Variants in DLAT observed in about 807,000 individuals in gnomAD.
DLAT encodes the protein dihydrolipoyllysine-residue acetyltransferase component of pyruvate dehydrogenase complex, mitochondrial.
DLAT carries 43 observed loss-of-function variants against 68.0 expected under a neutral mutation model. That is an observed-to-expected ratio of 0.63 (90% CI 0.50 to 0.81). DLAT has a LOEUF of 0.81. Ranked by LOEUF, DLAT falls within the 40% of genes least tolerant of loss-of-function variation. The probability of loss-of-function intolerance (pLI) is 0.00; values close to 1 mark genes in which losing one functional copy is unlikely to be tolerated. For missense variants in DLAT, 745 were observed against 815.4 expected, an observed-to-expected ratio of 0.91 and a Z score of 1.05; for synonymous variants, 265 against 288.6, an observed-to-expected ratio of 0.92 and a Z score of 0.83.
rs1311809853 is a variant in DLAT at position 112,036,167 on chromosome 11, A to ATGTGTG, written c.788-1076_788-1071dup. Among the ~76,000 whole-genome samples the ATGTGTG allele has an allele frequency of 9.0e-3, 744 of 82,538 alleles. 19 individuals are homozygous for ATGTGTG. Among genetic ancestry groups the ATGTGTG allele is most frequent in the African/African-American group, 0.027 (491 of 18,480 alleles). The allele number at this position is 82,538 out of a possible 152,430, so 54.1% of individuals were successfully genotyped here. On this transcript the variant is annotated intron_variant, in intron 5 of 13. Transcript: ENST00000280346. Reference sequence around the variant, plus strand: ...TATATATATATATGTGTGTGTATATATGTGTGTGTGTGTGTGTGTGTGTGT... The same window carrying ATGTGTG: ...TATATATATATATGTGTGTGTATATATGTGTGTGTGTGTGTGTGTGTGTGTGTGTGT...
chr11:112,061,244 C>T (rs1842911367), intron 13 of DLAT, 70 bp downstream of exon 13: 22 of 1,571,718 alleles, frequency 1.4e-5, no homozygotes, highest in Non-Finnish European at 1.8e-5. Context: ...CTGTGGTATC[C>T]TCAGGGGATT....
chr11:112,041,190 C>T lies in DLAT; in HGVS notation c.1129+1793C>T, dbSNP rs587748101. Among the ~76,000 whole-genome samples the T allele has an allele frequency of 2.1e-4, 32 of 152,258 alleles. No individual in the cohort carries two copies. In the South Asian group the frequency reaches 6.6e-3, roughly 32 times the overall value. On this transcript the variant is annotated intron_variant, in intron 7 of 13. Transcript: ENST00000280346. ...ATACTAGCTGTGTGACCTTTTGTGT[C>T]ACAATTTCTTTGTATATAAAAACAT...
chr11:112,049,706 T>C (rs1863511349), intron 10 of DLAT, among the ~76,000 whole-genome samples: 1 of 152,226 alleles, frequency 6.6e-6, no homozygotes, highest in Non-Finnish European at 1.5e-5. Flanking sequence ...ATCTTTTTTT[T>C]CATATACCTG....
chr11:112,025,582 G>T lies in DLAT; in HGVS notation c.110G>T (p.Arg37Leu). 6.2e-7 allele frequency: 1 copy of T among 1,613,966 alleles called. No individual in the cohort carries two copies. ...EVPGTPRVTSRSGPAPARRNS... is the reference protein window; with the variant it reads ...EVPGTPRVTSLSGPAPARRNS... ...CCCGGAACTCCACGAGTGACCTCGC[G>T]ATCTGGCCCGGCTCCCGCTCGTCGC... The change falls in exon 1 of 14, where the codon CGA (arginine) becomes CTA (leucine). Residue 37 changes from arginine to leucine, a missense_variant. Coordinates refer to ENST00000280346, the MANE Select transcript of DLAT (RefSeq NM_001931.5).
Position 112,045,973 on chromosome 11 carries a change from A to G in DLAT, c.1398+3A>G. On this transcript the variant is annotated splice_donor_region_variant and intron_variant, in intron 10 of 13. Transcript: ENST00000280346. ...TGGTACGGAAAGAACTTAATAAGGT[A>G]AAAGTTCTGAAAATTCCAACTTTCT... 1 of 1,530,044 alleles carries G rather than the reference A, an allele frequency of 6.5e-7. No homozygotes were observed. The highest frequency in any genetic ancestry group is 2.3e-5 in the East Asian group (1 of 44,290). The allele number at this position is 1,530,044 out of a possible 1,614,324, so 94.8% of individuals were successfully genotyped here. A position where few individuals can be genotyped will look rare whatever the true frequency, so the allele number is the denominator to read the frequency against.
intron 5 of DLAT, 101 bp from the exon 6 acceptor site, chr11:112,037,172 T>C: frequency 8.5e-7 from 1 of 1,172,186 alleles, no homozygotes. Context: ...GCTATATAGC[T>C]AGCTTGAATG....
chr11:112,025,791 TC>T, intron 1 of DLAT, 40 bp downstream of exon 1: 1 of 1,610,852 alleles, frequency 6.2e-7, no homozygotes, highest in Non-Finnish European at 8.5e-7. Flanking sequence ...CCGTTGTCCT[TC>T]AGAGCTGACT....
intron 11 of DLAT, among the ~76,000 whole-genome samples, chr11:112,052,838 T>A: frequency 6.6e-6 from 1 of 152,090 alleles, no homozygotes. Flanking sequence ...ACCCTTCCAG[T>A]GACTGGCGCC....
chr11:112,026,856 G>C (rs1227684126), intron 2 of DLAT, among the ~76,000 whole-genome samples: 1 of 152,046 alleles, frequency 6.6e-6, no homozygotes. Context: ...GGTGGTGGCC[G>C]GGCAGAGGGG....
intron 11 of DLAT, among the ~76,000 whole-genome samples, chr11:112,058,616 A>AGGG (rs587768977): frequency 4.6e-4 from 27 of 58,950 alleles, no homozygotes; most frequent in South Asian, 2.8e-3. Flanking sequence ...GGGTGGGGGA[A>AGGG]GGGGGGGGTG....
At chr11:112,040,231 G>C (rs1555180921) in intron 7 of DLAT, among the ~76,000 whole-genome samples, 1 of 152,108 alleles carries the variant, frequency 6.6e-6, no homozygotes, top group East Asian at 1.9e-4. Context: ...TATTTGGAAT[G>C]GGGGGAAGTT....
intron 4 of DLAT, among the ~76,000 whole-genome samples, chr11:112,032,749 G>GA (rs1168488207): frequency 6.6e-6 from 1 of 152,106 alleles, no homozygotes; most frequent in Admixed American, 6.5e-5. Flanking sequence ...GTCATTTTGT[G>GA]AAAATGAAAA....
intron 8 of DLAT, among the ~76,000 whole-genome samples, chr11:112,044,680 T>G (rs1208809125): frequency 6.6e-6 from 1 of 151,956 alleles, no homozygotes; most frequent in African/African-American, 2.4e-5. Context: ...AAATTAAAAC[T>G]CTTAAAACAA....
chr11:112,032,423 T>TA (rs1158771702), intron 4 of DLAT: 3 of 152,176 alleles, frequency 2.0e-5, no homozygotes, highest in African/African-American at 7.2e-5. Flanking sequence ...TTAGGCCACT[T>TA]AAAAATCTAC....
chr11:112,029,838 C>T (rs1338185475), intron 4 of DLAT: 14 of 594,162 alleles, frequency 2.4e-5, no homozygotes, highest in Non-Finnish European at 4.3e-5. Context: ...GTCTGGACTA[C>T]ATCTCCCCGC....
Position 112,028,785 on chromosome 11 carries a change from T to A in DLAT, c.507-7T>A. 1 of 1,614,190 alleles carries A rather than the reference T, an allele frequency of 6.2e-7. No homozygotes were observed. Among genetic ancestry groups the A allele is most frequent in the South Asian group, 1.1e-5 (1 of 91,090 alleles). On this transcript the variant is annotated splice_polypyrimidine_tract_variant and splice_region_variant and intron_variant, in intron 3 of 13. Transcript: ENST00000280346. ...CATTATATTTATGCATTCTTTCTCT[T>A]CCTTAGGCCTGAGGATATTGAGGCC... is the stretch of plus-strand genomic sequence containing the variant.
intron 8 of DLAT, 118 bp downstream of exon 8, chr11:112,043,651 T>C: frequency 9.9e-7 from 1 of 1,009,662 alleles, no homozygotes; most frequent in South Asian, 1.3e-5. Flanking sequence ...CTAATTTCAG[T>C]GGTTTAATAA....
chr11:112,039,331 GTGTT>G lies in DLAT; in HGVS notation c.1068_1071del (p.Phe356LeufsTer10), dbSNP rs1862935995. The G allele has an allele frequency of 1.2e-6, 2 of 1,614,012 alleles. No individual in the cohort carries two copies. The highest frequency in any genetic ancestry group is 2.7e-5 in the African/African-American group (2 of 74,910). ...TACTCCTGCTGGACCAAAGGGAAGG[GTGTT>G]TGTTAGCCCTCTTGCAAAGAAGTTG... On this transcript the variant is annotated frameshift_variant, in exon 7 of 14. Transcript: ENST00000280346. LOFTEE classifies it high-confidence loss of function.
intron 13 of DLAT, among the ~76,000 whole-genome samples, chr11:112,061,768 A>G (rs1864644208): frequency 6.6e-6 from 1 of 152,100 alleles, no homozygotes; most frequent in Non-Finnish European, 1.5e-5. Context: ...TATTTTTAGT[A>G]GACATGTTGT....
Sources: allele counts gnomAD v4.1 joint callset (sites outside exome capture counted in the v4.1 genomes callset), GRCh38; gene constraint gnomAD v4.1.1; transcripts MANE v1.5; gene names NCBI Gene and HGNC (gene_info 2026-07-23, HGNC 2026-07-21).